Variants in VPS13B observed in about 807,000 individuals in gnomAD.
VPS13B encodes vacuolar protein sorting 13 homolog B.
In VPS13B, 285 loss-of-function variants were observed where a neutral mutation model predicts 426.4. The ratio of observed to expected loss-of-function variants is 0.67; its 90% CI spans 0.61 to 0.74. The LOEUF (loss-of-function observed/expected upper bound fraction) is 0.74, where lower values mean the gene tolerates loss of function less well. Among genes scored for constraint, VPS13B ranks in the 30% least tolerant of loss-of-function variants. The probability of loss-of-function intolerance (pLI) is 0.00; values close to 1 mark genes in which losing one functional copy is unlikely to be tolerated. For synonymous variants in VPS13B, 1,676 were observed against 1,676.4 expected (o/e 1.00, Z 0.01); for missense variants, 4,537 against 4,782.6 (o/e 0.95, Z 1.51).
chr8:99,777,082 C>A, intron 41 of VPS13B, 126 bp downstream of exon 41: 2 of 1,193,786 alleles, frequency 1.7e-6, no homozygotes, highest in Non-Finnish European at 2.5e-6. Context: ...CGAGCAGTGG[C>A]AAAGTTATCC....
intron 42 of VPS13B, among the ~76,000 whole-genome samples, chr8:99,780,792 G>A (rs762720378): frequency 1.1e-4 from 17 of 152,134 alleles, no homozygotes; most frequent in Non-Finnish European, 2.1e-4. Context: ...GTATTCTAAA[G>A]TAAATATGAA....
intron 35 of VPS13B, among the ~76,000 whole-genome samples, chr8:99,691,662 A>G (rs555350909): frequency 2.8e-4 from 43 of 150,898 alleles, no homozygotes; most frequent in African/African-American, 1.1e-3. Context: ...AGCTAACATC[A>G]TAATGACAGG....
chr8:99,183,527 G>A (rs1456877950), intron 16 of VPS13B, among the ~76,000 whole-genome samples: 4 of 152,152 alleles, frequency 2.6e-5, no homozygotes, highest in Non-Finnish European at 5.9e-5. Flanking sequence ...TTCTCAGTAA[G>A]CACAGAGTGG....
At position 99,720,973 on chromosome 8, in the gene VPS13B, C is replaced by T. The variant is rs120074150; in HGVS notation, c.6976C>T (p.Arg2326Ter). 12 of 1,613,808 alleles carry T rather than the reference C, an allele frequency of 7.4e-6. No individual in the cohort carries two copies. Among genetic ancestry groups the T allele is most frequent in the South Asian group, 1.1e-5 (1 of 91,078 alleles). The change falls in exon 39 of 62, where the codon CGA becomes TGA. Residue 2326 changes from arginine (R) to a stop codon, truncating the protein, a stop_gained. Coordinates refer to ENST00000357162, the MANE Select transcript of VPS13B (RefSeq NM_152564.5). LOFTEE classifies it high-confidence loss of function. ...YPEPRVLTLV[R>*]ITPVPFNTTE... ...AGAACCTAGAGTACTCACCCTTGTA[C>T]GAATAACTCCTGTACCTTTTAACAC...
Position 99,875,862 on chromosome 8 carries a change from T to A in VPS13B, c.*196T>A. 1 of 664,708 alleles carries A rather than the reference T, an allele frequency of 1.5e-6. No individual in the cohort carries two copies. Among genetic ancestry groups the A allele is most frequent in the East Asian group, 2.8e-5 (1 of 36,090 alleles). The allele number at this position is 664,708 out of a possible 1,614,324, so 41.2% of individuals were successfully genotyped here. A position where few individuals can be genotyped will look rare whatever the true frequency, so the allele number is the denominator to read the frequency against. On this transcript the variant is annotated 3_prime_UTR_variant, in exon 62 of 62. Transcript: ENST00000357162. ...CATTTTGCCACCATAAAGGGCTGCA[T>A]TTTTTTAAAAAGCCTAGGCAGCTCT...
At chr8:99,672,689 A>T (rs1830766749) in intron 35 of VPS13B, among the ~76,000 whole-genome samples, 1 of 152,026 alleles carries the variant, frequency 6.6e-6, no homozygotes, top group Non-Finnish European at 1.5e-5. Context: ...GTGGAATAAG[A>T]GTGGTGAGAA....
At position 99,121,437 on chromosome 8, in the gene VPS13B, A is replaced by G. The variant is rs139093635; in HGVS notation, c.1198A>G (p.Thr400Ala). ...ATTTTATTGCACAAAGGCAACGGTG[A>G]CTTTCAAAGTAGGTCTTTTCTCTTG... ...IGFYCTKATV[T>A]FKLTEMQVES... is the part of the protein sequence containing the mutation. The change falls in exon 8 of 62, where the codon ACT becomes GCT. Residue 400 changes from threonine (T) to alanine (A), a missense_variant. Physicochemically the swap from Thr to Ala is moderately conservative, Grantham distance 58 (BLOSUM62 0). This residue lies in a region of VPS13B where 4,311 missense variants were observed against 4,474.3 expected (regional missense o/e 0.96). Transcript: ENST00000357162. 5 of 1,614,064 alleles carry G rather than the reference A, an allele frequency of 3.1e-6. No individual in the cohort carries two copies. The African/African-American group carries it at 6.7e-5, about 22-fold the overall frequency.
intron 23 of VPS13B, among the ~76,000 whole-genome samples, chr8:99,466,210 T>TA (rs1819105378): frequency 6.6e-6 from 1 of 152,112 alleles, no homozygotes; most frequent in African/African-American, 2.4e-5. Flanking sequence ...TAAGTGTTAA[T>TA]ATTATTTATT....
At position 99,567,805 on chromosome 8, in the gene VPS13B, A is replaced by T. The variant is rs145131976; in HGVS notation, c.4950-7853A>T. On this transcript the variant is annotated intron_variant, in intron 31 of 61. Coordinates refer to ENST00000357162, the MANE Select transcript of VPS13B (RefSeq NM_152564.5). Reference sequence around the variant, plus strand: ...AATTCCGTGAGAAACAACATTATGTATCCATTTTTGCCATTGTTGTTTCAG... The same window carrying T: ...AATTCCGTGAGAAACAACATTATGTTTCCATTTTTGCCATTGTTGTTTCAG... 3.4e-3 allele frequency among the ~76,000 whole-genome samples: 523 copies of T among 152,326 alleles called. 2 individuals carry two copies. The highest frequency in any genetic ancestry group is 0.012 in the African/African-American group (501 of 41,582).
At chr8:99,342,490 A>G (rs1281091045) in intron 19 of VPS13B, among the ~76,000 whole-genome samples, 1 of 151,826 alleles carries the variant, frequency 6.6e-6, no homozygotes. Flanking sequence ...GTGAGATCAT[A>G]TGGTGTATCT....
chr8:99,698,064 C>A (rs370156365), intron 35 of VPS13B: 9 of 336,134 alleles, frequency 2.7e-5, no homozygotes. Context: ...ACTGCCCTGG[C>A]GAGGGCCGTG....
chr8:99,876,342 TTTTACTAAAA>T lies in VPS13B; in HGVS notation c.*682_*691del, dbSNP rs1211039677. On this transcript the variant is annotated 3_prime_UTR_variant, in exon 62 of 62. Transcript: ENST00000357162. ...ATGTGTATTTTCTCTGAAGTCTGCA[TTTTACTAAAA>T]TTTACAACAGTCTGATGATTGATTG... 4 of 149,568 alleles carry T rather than the reference TTTTACTAAAA, an allele frequency of 2.7e-5. No homozygotes were observed. Among genetic ancestry groups the T allele is most frequent in the Non-Finnish European group, 4.4e-5 (3 of 67,976 alleles). 9.3% of individuals were successfully genotyped at this position (149,568 alleles called of 1,614,324 possible). A position where few individuals can be genotyped will look rare whatever the true frequency, so the allele number is the denominator to read the frequency against.
intron 30 of VPS13B, among the ~76,000 whole-genome samples, chr8:99,534,036 T>C (rs535289459): frequency 6.6e-6 from 1 of 152,362 alleles, no homozygotes; most frequent in African/African-American, 2.4e-5. Flanking sequence ...CTATAATGGT[T>C]AGTGTTGGTT....
intron 23 of VPS13B, among the ~76,000 whole-genome samples, chr8:99,463,762 G>C (rs1240771843): frequency 6.6e-6 from 1 of 152,002 alleles, no homozygotes; most frequent in Non-Finnish European, 1.5e-5. Flanking sequence ...GCATGATCTC[G>C]GTTCACTGGA....
chr8:99,456,102 G>A (rs1439892800), intron 23 of VPS13B, among the ~76,000 whole-genome samples: 1 of 152,056 alleles, frequency 6.6e-6, no homozygotes, highest in Non-Finnish European at 1.5e-5. Flanking sequence ...CGTAGCTGTG[G>A]GTTTTTCAGA....
At chr8:99,875,346 CA>C in intron 61 of VPS13B, 71 bp from the exon 62 acceptor site, 1 of 1,602,698 alleles carries the variant, frequency 6.2e-7, no homozygotes, top group Non-Finnish European at 8.5e-7. Flanking sequence ...TATATCGAGG[CA>C]AAAGAACTAA....
chr8:99,690,835 C>T (rs528512120), intron 35 of VPS13B, among the ~76,000 whole-genome samples: 21 of 152,248 alleles, frequency 1.4e-4, no homozygotes, highest in African/African-American at 3.9e-4. Context: ...ACTAGGATAA[C>T]TGCAGTCAAA....
Position 99,136,675 on chromosome 8 carries a change from C to A in VPS13B, c.1574C>A (p.Thr525Asn). 6.2e-7 allele frequency: 1 copy of A among 1,613,558 alleles called. No homozygotes were observed. Among genetic ancestry groups the A allele is most frequent in the Non-Finnish European group, 8.5e-7 (1 of 1,179,612 alleles). ...TTGCTTTGTTGGCAGGAGACATACA[C>A]TGAGATAGCTGGAATGCAACGGTTT... ...LDSTHHKETY[T>N]EIAGMQRFGA... is the part of the protein sequence containing the mutation. Residue 525 changes from threonine (T) to asparagine (N), a missense_variant, in exon 12 of 62, where the codon ACT (threonine) becomes AAT (asparagine). Physicochemically the swap from Thr to Asn is moderately conservative, Grantham distance 65. This residue lies in a region of VPS13B where 4,311 missense variants were observed against 4,474.3 expected (regional missense o/e 0.96). Transcript: ENST00000357162.
At chr8:99,360,198 C>T (rs560000562) in intron 19 of VPS13B, among the ~76,000 whole-genome samples, 10 of 41,528 alleles carry the variant, frequency 2.4e-4, no homozygotes, top group African/African-American at 5.0e-4. Flanking sequence ...TTCTCTCTCT[C>T]TCTCTCTCTC....
Sources: allele counts gnomAD v4.1 joint callset (sites outside exome capture counted in the v4.1 genomes callset), GRCh38; gene constraint gnomAD v4.1.1; regional missense constraint gnomAD v4.1.1; transcripts MANE v1.5; gene names NCBI Gene and HGNC (gene_info 2026-07-23, HGNC 2026-07-21).